The following ARMH3 variants were observed in gnomAD, a reference collection of about 807,000 sequenced individuals.
ARMH3 encodes the protein armadillo-like helical domain-containing protein 3.
A neutral mutation model predicts 99.1 loss-of-function variants in ARMH3; 60 were observed. The observed-to-expected ratio is 0.61, with a 90% CI of 0.49 to 0.75. ARMH3 has a LOEUF of 0.75. Ranked by LOEUF, ARMH3 falls within the 30% of genes least tolerant of loss-of-function variation. The pLI is 0.00. For missense variants in ARMH3, 679 were observed against 843.1 expected, an observed-to-expected ratio of 0.81 and a Z score of 2.41; for synonymous variants, 285 against 292.8, an observed-to-expected ratio of 0.97 and a Z score of 0.27.
intron 8 of ARMH3, among the ~76,000 whole-genome samples, chr10:102,017,211 C>G (rs190296921): frequency 2.0e-5 from 3 of 152,198 alleles, no homozygotes; most frequent in Non-Finnish European, 4.4e-5. Context: ...GAATTCTTCA[C>G]GTTCTTGTCA....
chr10:101,860,433 C>T (rs2066840377), intron 24 of ARMH3, among the ~76,000 whole-genome samples: 1 of 152,096 alleles, frequency 6.6e-6, no homozygotes, highest in African/African-American at 2.4e-5. Flanking sequence ...TACTGGATAT[C>T]AGGCAGTGCA....
At position 102,000,530 on chromosome 10, in the gene ARMH3, G is replaced by A. The variant is rs139685183; in HGVS notation, c.1150+1441C>T. ...TCCCAGTACTTTGGGAGGCCAAGGC[G>A]GGCAGATCACTTGAGCCCAGGAGTT... On this transcript the variant is annotated intron_variant, in intron 15 of 25. Coordinates refer to ENST00000370033, the MANE Select transcript of ARMH3 (RefSeq NM_024541.3). Among the ~76,000 whole-genome samples, 171 of 151,402 alleles carry A rather than the reference G, an allele frequency of 1.1e-3. 6 individuals are homozygous for A. The East Asian group carries it at 0.032, about 28-fold the overall frequency.
At position 102,040,738 on chromosome 10, in the gene ARMH3, A is replaced by G. The variant is rs574318523; in HGVS notation, c.-11-613T>C. ...CGCTCCATCTGTAATAGGTCTGGCCATATATTTGAGGTTGATGGAAGGAAG... is the reference window on the plus strand; with the variant it reads ...CGCTCCATCTGTAATAGGTCTGGCCGTATATTTGAGGTTGATGGAAGGAAG... On this transcript the variant is annotated intron_variant, in intron 1 of 25. Coordinates refer to ENST00000370033, the MANE Select transcript of ARMH3 (RefSeq NM_024541.3). Among the ~76,000 whole-genome samples the G allele has an allele frequency of 8.5e-5, 13 of 152,284 alleles. 1 individual carries two copies. In the East Asian group the frequency reaches 2.3e-3, roughly 27 times the overall value.
intron 22 of ARMH3, among the ~76,000 whole-genome samples, chr10:101,955,456 T>C (rs975742635): frequency 1.3e-5 from 2 of 152,218 alleles, no homozygotes; most frequent in African/African-American, 2.4e-5. Context: ...TAAGACATTA[T>C]AGCAAAGGTT....
intron 22 of ARMH3, among the ~76,000 whole-genome samples, chr10:101,948,131 T>C (rs1056442906): frequency 1.4e-4 from 22 of 152,274 alleles, no homozygotes; most frequent in African/African-American, 4.6e-4. Context: ...ATAGATAATA[T>C]GCCAAATAAG....
chr10:101,985,943 G>C lies in ARMH3; in HGVS notation c.1406+4608C>G, dbSNP rs768366860. Among the ~76,000 whole-genome samples the C allele has an allele frequency of 4.0e-4, 61 of 151,906 alleles. 1 individual carries two copies. Among genetic ancestry groups the C allele is most frequent in the Non-Finnish European group, 5.9e-4 (40 of 67,970 alleles). ...TGAGACATGAGAATCATTTGAACCTGGGGGGCGGAGGTTGCAGTGAGCCAA... is the reference window on the plus strand; with the variant it reads ...TGAGACATGAGAATCATTTGAACCTCGGGGGCGGAGGTTGCAGTGAGCCAA... On this transcript the variant is annotated intron_variant, in intron 19 of 25. Coordinates refer to ENST00000370033, the MANE Select transcript of ARMH3 (RefSeq NM_024541.3).
intron 24 of ARMH3, among the ~76,000 whole-genome samples, chr10:101,866,929 CAAAA>C (rs1222831641): frequency 1.3e-5 from 2 of 151,928 alleles, no homozygotes; most frequent in African/African-American, 4.8e-5. Context: ...AACAAACAAA[CAAAA>C]AGAATGAACA....
chr10:102,053,992 G>A (rs2067775167), intron 1 of ARMH3, among the ~76,000 whole-genome samples: 1 of 152,084 alleles, frequency 6.6e-6, no homozygotes, highest in African/African-American at 2.4e-5. Context: ...TCAATTTTTG[G>A]CCATTTTCCC....
intron 4 of ARMH3, among the ~76,000 whole-genome samples, chr10:102,032,001 G>C (rs1015031414): frequency 7.2e-5 from 11 of 152,128 alleles, no homozygotes; most frequent in Admixed American, 2.0e-4. Flanking sequence ...GCCTCCCAAA[G>C]TGCTCGGATT....
At chr10:101,885,061 T>C (rs958096457) in intron 24 of ARMH3, among the ~76,000 whole-genome samples, 2 of 152,128 alleles carry the variant, frequency 1.3e-5, no homozygotes, top group African/African-American at 2.4e-5. Context: ...CATGAAGAGA[T>C]GCTCAATATA....
At chr10:101,952,603 A>T (rs993613467) in intron 22 of ARMH3, 7 of 152,212 alleles carry the variant, frequency 4.6e-5, no homozygotes, top group African/African-American at 1.7e-4. Flanking sequence ...CCACTTTTTT[A>T]AAAAAGACTC....
chr10:102,029,824 C>T, intron 4 of ARMH3, 79 bp from the exon 5 acceptor site: 2 of 1,251,162 alleles, frequency 1.6e-6, no homozygotes, highest in Non-Finnish European at 2.2e-6. Context: ...CTCATCCTTA[C>T]ACAGCTGACA....
intron 22 of ARMH3, among the ~76,000 whole-genome samples, chr10:101,946,539 C>T (rs1009355160): frequency 6.6e-6 from 1 of 152,038 alleles, no homozygotes; most frequent in African/African-American, 2.4e-5. Flanking sequence ...AAAGAATTCA[C>T]TGGGTGGGCT....
At chr10:101,943,039 C>T (rs1250210920) in intron 22 of ARMH3, among the ~76,000 whole-genome samples, 4 of 152,110 alleles carry the variant, frequency 2.6e-5, no homozygotes, top group Non-Finnish European at 5.9e-5. Flanking sequence ...AGAAGGTGAA[C>T]CCTACAACTG....
intron 23 of ARMH3, among the ~76,000 whole-genome samples, chr10:101,927,013 C>A (rs1280905327): frequency 6.6e-6 from 1 of 152,064 alleles, no homozygotes; most frequent in African/African-American, 2.4e-5. Flanking sequence ...ACTGGAAATA[C>A]CTTTCTTCTA....
intron 8 of ARMH3, among the ~76,000 whole-genome samples, chr10:102,020,683 GAAAAAAA>G (rs897977927): frequency 1.0e-4 from 9 of 87,570 alleles, no homozygotes; most frequent in Admixed American, 3.9e-4. Context: ...CTCCATCTCA[GAAAAAAA>G]AAAAAAAAAA....
chr10:101,954,040 A>T lies in ARMH3; in HGVS notation c.1705+2557T>A, dbSNP rs551955734. 3.3e-5 allele frequency among the ~76,000 whole-genome samples: 5 copies of T among 152,208 alleles called. No individual in the cohort carries two copies. The East Asian group carries it at 7.7e-4, about 24-fold the overall frequency. On this transcript the variant is annotated intron_variant, in intron 22 of 25. Transcript: ENST00000370033. Reference sequence around the variant, plus strand: ...AACCCTGTCTCTACTAAAAATACAAAAATGACCCAGGCGTGGTGGCATGTA... The same window carrying T: ...AACCCTGTCTCTACTAAAAATACAATAATGACCCAGGCGTGGTGGCATGTA...
chr10:101,884,756 G>GCAA (rs1045231318), intron 24 of ARMH3, among the ~76,000 whole-genome samples: 2 of 148,326 alleles, frequency 1.3e-5, no homozygotes, highest in African/African-American at 5.0e-5. Flanking sequence ...AAAAGCACAG[G>GCAA]CAACAACAAC....
chr10:101,875,729 G>C (rs1474375707), intron 24 of ARMH3, among the ~76,000 whole-genome samples: 1 of 152,162 alleles, frequency 6.6e-6, no homozygotes, highest in Non-Finnish European at 1.5e-5. Context: ...ATTAGTGAGA[G>C]GCCATCAGTT....
Sources: allele counts gnomAD v4.1 joint callset (sites outside exome capture counted in the v4.1 genomes callset), GRCh38; gene constraint gnomAD v4.1.1; transcripts MANE v1.5; gene names NCBI Gene and HGNC (gene_info 2026-07-23, HGNC 2026-07-21).